DENND4A: variants seen among roughly 807,000 people sequenced by gnomAD.
DENND4A encodes C-myc promoter-binding protein.
A neutral mutation model predicts 199.3 loss-of-function variants in DENND4A; 70 were observed. That is an observed-to-expected ratio of 0.35 (90% CI 0.29 to 0.43). The LOEUF (loss-of-function observed/expected upper bound fraction) is 0.43, where lower values mean the gene tolerates loss of function less well. Among genes scored for constraint, DENND4A ranks in the 20% least tolerant of loss-of-function variants. The pLI is 1.00. For missense variants in DENND4A, 1,723 were observed against 2,255.8 expected (o/e 0.76, Z 4.78); for synonymous variants, 686 against 766.9 (o/e 0.89, Z 1.74).
chr15:65,790,741 T>A (rs1245521327), intron 1 of DENND4A, among the ~76,000 whole-genome samples: 2 of 152,108 alleles, frequency 1.3e-5, no homozygotes, highest in Non-Finnish European at 2.9e-5. Flanking sequence ...TTCAAACAGC[T>A]CAGAAATTTT....
Position 65,690,900 on chromosome 15 carries a change from C to T in DENND4A, c.3694G>A (p.Asp1232Asn). Residue 1232 changes from aspartate to asparagine, a missense_variant, in exon 23 of 33, where the codon GAT becomes AAT. Physicochemically the swap from Asp to Asn is conservative, Grantham distance 23 (BLOSUM62 1). Around this residue, in one of 6 missense-constraint regions of DENND4A, gnomAD observed 650 missense variants for 738.1 expected, o/e 0.88. Coordinates refer to ENST00000443035, the MANE Select transcript of DENND4A (RefSeq NM_001320835.1). ...GAAATGCTTTTGCTATCATCTTCAT[C>T]CTCCTCCTCTTCTTCTTTTTGCTGC... The part of the protein sequence containing the change: ...EQQQKEEEEE[D>N]EDDSKSISTP... 1 of 1,608,802 alleles carries T rather than the reference C, an allele frequency of 6.2e-7. No individual in the cohort carries two copies. Among genetic ancestry groups the T allele is most frequent in the Non-Finnish European group, 8.5e-7 (1 of 1,177,516 alleles).
intron 11 of DENND4A, among the ~76,000 whole-genome samples, chr15:65,724,059 T>TA (rs963913897): frequency 0.01 from 1,483 of 146,122 alleles, 14 homozygotes; most frequent in Non-Finnish European, 0.015. Context: ...GACTCCACTT[T>TA]AAAAAAAAAA....
chr15:65,702,163 C>T lies in DENND4A; in HGVS notation c.2430+142G>A. On this transcript the variant is annotated intron_variant, in intron 17 of 32. Transcript: ENST00000443035. Reference sequence around the variant, plus strand: ...ACTGTAGTCACAGCTATCTGGGAGGCTAAAATGGGAGGATTGCATCTCTTG... The same window carrying T: ...ACTGTAGTCACAGCTATCTGGGAGGTTAAAATGGGAGGATTGCATCTCTTG... The T allele has an allele frequency of 3.7e-6, 3 of 800,090 alleles. No homozygotes were observed. In the Admixed American group the frequency reaches 7.8e-5, roughly 21 times the overall value. 49.6% of individuals were successfully genotyped at this position (800,090 alleles called of 1,614,324 possible).
chr15:65,754,814 T>C (rs2076659195), intron 3 of DENND4A, among the ~76,000 whole-genome samples: 1 of 152,240 alleles, frequency 6.6e-6, no homozygotes, highest in African/African-American at 2.4e-5. Context: ...CAAGTGGGAA[T>C]GCAATATGGT....
rs759347362 is a variant in DENND4A, at chr15:65,691,305, G to C, written c.3289C>G (p.Pro1097Ala). ...MLNRINQEATPGDIVEKLGAD... is the reference protein window; with the variant it reads ...MLNRINQEATAGDIVEKLGAD... ...CCCAATTTTTCAACTATATCTCCAG[G>C]GGTTGCTTCCTGGTTAATTCTATTG... The change falls in exon 23 of 33, where the codon CCT becomes GCT. Residue 1097 changes from proline (P) to alanine (A), a missense_variant. Physicochemically the swap from Pro to Ala is conservative, Grantham distance 27. This residue lies in a region of DENND4A where 650 missense variants were observed against 738.1 expected (regional missense o/e 0.88). Transcript: ENST00000443035. The C allele has an allele frequency of 6.2e-7, 1 of 1,613,274 alleles. No individual in the cohort carries two copies. Among genetic ancestry groups the C allele is most frequent in the South Asian group, 1.1e-5 (1 of 91,018 alleles).
At chr15:65,725,165 A>C (rs2140339843) in intron 11 of DENND4A, among the ~76,000 whole-genome samples, 1 of 152,214 alleles carries the variant, frequency 6.6e-6, no homozygotes, top group East Asian at 1.9e-4. Context: ...CTTATGAGTA[A>C]ATGTATATTT....
intron 5 of DENND4A, among the ~76,000 whole-genome samples, chr15:65,740,238 C>T (rs1318970548): frequency 1.1e-4 from 16 of 150,670 alleles, no homozygotes; most frequent in South Asian, 6.3e-4. Context: ...TTGAGGATAT[C>T]CACAAATTAG....
rs545706733 is a variant in DENND4A, at chr15:65,753,504, G to A, written c.312-876C>T. On this transcript the variant is annotated intron_variant, in intron 3 of 32. Transcript: ENST00000443035. ...CTCCCGAGTAGCTGGGATTACAGGCGTGTGGCACCACACCTGACTAATTTT... is the reference window on the plus strand; with the variant it reads ...CTCCCGAGTAGCTGGGATTACAGGCATGTGGCACCACACCTGACTAATTTT... Among the ~76,000 whole-genome samples the A allele has an allele frequency of 4.6e-5, 7 of 151,374 alleles. No individual in the cohort carries two copies. In the South Asian group the frequency reaches 6.3e-4, roughly 14 times the overall value.
chr15:65,741,806 T>C, intron 4 of DENND4A, 22 bp from the exon 5 acceptor site: 2 of 1,581,748 alleles, frequency 1.3e-6, no homozygotes, highest in Non-Finnish European at 1.7e-6. Context: ...AAAATAGAAA[T>C]ATCATTTAAT....
intron 24 of DENND4A, among the ~76,000 whole-genome samples, chr15:65,673,140 C>T (rs1020450688): frequency 3.3e-5 from 5 of 150,586 alleles, no homozygotes; most frequent in African/African-American, 7.3e-5. Context: ...GGATTACAGG[C>T]GTGAGCCACC....
chr15:65,771,820 C>T lies in DENND4A; in HGVS notation c.-101-10382G>A, dbSNP rs368400126. On this transcript the variant is annotated intron_variant, in intron 1 of 32. Coordinates refer to ENST00000443035, the MANE Select transcript of DENND4A (RefSeq NM_001320835.1). ...ATTGCCCGTGAGGTCATACTGTTTT[C>T]GCTTTTCTGGATTACTTAAAACAGC... The T allele has an allele frequency of 2.5e-5, 41 of 1,613,210 alleles. 1 individual carries two copies. The highest frequency in any genetic ancestry group is 1.1e-4 in the East Asian group (5 of 44,894).
intron 17 of DENND4A, 143 bp from the exon 18 acceptor site, chr15:65,702,033 CAGGTGA>C: frequency 3.4e-6 from 4 of 1,183,682 alleles, no homozygotes; most frequent in Non-Finnish European, 4.9e-6. Context: ...GAGGGCAAGG[CAGGTGA>C]AGCTCTGGAG....
intron 15 of DENND4A, among the ~76,000 whole-genome samples, chr15:65,704,597 G>C (rs553895548): frequency 1.8e-4 from 27 of 152,094 alleles, no homozygotes; most frequent in African/African-American, 6.5e-4. Flanking sequence ...CTGAAATAAT[G>C]TGGTTTTTTT....
At chr15:65,708,958 T>A (rs2075148825) in intron 14 of DENND4A, among the ~76,000 whole-genome samples, 1 of 152,242 alleles carries the variant, frequency 6.6e-6, no homozygotes, top group Admixed American at 6.5e-5. Context: ...CTCCAGCTTT[T>A]TAAAGTCGGT....
intron 12 of DENND4A, among the ~76,000 whole-genome samples, chr15:65,718,345 T>TTTTTTTTTTA (rs2075480138): frequency 6.6e-6 from 1 of 152,162 alleles, no homozygotes; most frequent in Non-Finnish European, 1.5e-5. Context: ...AGAGATTCTG[T>TTTTTTTTTTA]CTTTACAAAA....
rs2076944268 is a variant in DENND4A, at chr15:65,690,776, T to C, written c.3818A>G (p.Gln1273Arg). ...LTSRTPSIDL[Q>R]RACDDKLNKK... ...ATTTAATTTATCATCACATGCCCGT[T>C]GTAAATCAATGCTTGGTGTACGACT... The change falls in exon 23 of 33, where the codon CAA (glutamine) becomes CGA (arginine). Residue 1273 changes from glutamine to arginine, a missense_variant. Around this residue, in one of 6 missense-constraint regions of DENND4A, gnomAD observed 650 missense variants for 738.1 expected, o/e 0.88. Transcript: ENST00000443035. 1 of 1,613,560 alleles carries C rather than the reference T, an allele frequency of 6.2e-7. No individual in the cohort carries two copies. Among genetic ancestry groups the C allele is most frequent in the Middle Eastern group, 1.6e-4 (1 of 6,062 alleles).
chr15:65,671,783 A>G lies in DENND4A; in HGVS notation c.4464+9T>C, dbSNP rs767118151. The G allele has an allele frequency of 6.5e-6, 10 of 1,544,264 alleles. No homozygotes were observed. In the South Asian group the frequency reaches 6.7e-5, roughly 10 times the overall value. ...GTATATGAAGATTCTCTTTTGCACA[A>G]AAGTGTACCTCCATTGCATAGTTCT... On this transcript the variant is annotated intron_variant, in intron 25 of 32. Transcript: ENST00000443035.
At chr15:65,728,031 C>CAA (rs1268816955) in intron 11 of DENND4A, among the ~76,000 whole-genome samples, 1 of 151,068 alleles carries the variant, frequency 6.6e-6, no homozygotes, top group African/African-American at 2.4e-5. Context: ...TCTTTTGAGA[C>CAA]AGAGTCTCCC....
chr15:65,746,869 C>T lies in DENND4A; in HGVS notation c.562-5085G>A, dbSNP rs536467139. On this transcript the variant is annotated intron_variant, in intron 4 of 32. Transcript: ENST00000443035. ...AGGCGGATCACTTGAGATCAGAAGACCAGCCTGGCCAATATGGTAAAACCC... is the reference window on the plus strand; with the variant it reads ...AGGCGGATCACTTGAGATCAGAAGATCAGCCTGGCCAATATGGTAAAACCC... Among the ~76,000 whole-genome samples the T allele has an allele frequency of 7.2e-4, 109 of 150,904 alleles. 1 individual carries two copies. Among genetic ancestry groups the T allele is most frequent in the Non-Finnish European group, 3.1e-4 (21 of 67,698 alleles).
Sources: allele counts gnomAD v4.1 joint callset (sites outside exome capture counted in the v4.1 genomes callset), GRCh38; gene constraint gnomAD v4.1.1; regional missense constraint gnomAD v4.1.1; transcripts MANE v1.5; gene names NCBI Gene and HGNC (gene_info 2026-07-23, HGNC 2026-07-21).